TNK2: variants seen among roughly 807,000 people sequenced by gnomAD.
TNK2 encodes the protein activated CDC42 kinase 1.
A neutral mutation model predicts 101.8 loss-of-function variants in TNK2; 83 were observed. That is an observed-to-expected ratio of 0.82 (90% confidence interval 0.68 to 0.98). TNK2 has a LOEUF of 0.98. TNK2 is among the 50% of genes least tolerant of loss of function. The pLI is 0.00. For missense variants in TNK2, 1,665 were observed against 1,483.2 expected, an observed-to-expected ratio of 1.12 and a Z score of -2.01; for synonymous variants, 804 against 633.0, an observed-to-expected ratio of 1.27 and a Z score of -4.06.
rs1248344905 is a variant in TNK2, at chr3:195,878,905, T to TGGGAGGCACGGGAAGTGGG, written c.1014+125_1014+143dup. The TGGGAGGCACGGGAAGTGGG allele has an allele frequency of 1.3e-5, 17 of 1,321,622 alleles. No individual in the cohort carries two copies. The highest frequency in any genetic ancestry group is 1.1e-4 in the South Asian group (8 of 74,928). The allele number at this position is 1,321,622 out of a possible 1,614,324, so 81.9% of individuals were successfully genotyped here. ...GCGTGAGAGGAGACACGGGGCGTGG[T>TGGGAGGCACGGGAAGTGGG]GGGAGGCACGGGAAGTGGGGGGAGG... On this transcript the variant is annotated intron_variant, in intron 7 of 15. Transcript: ENST00000672887. This position sits in a 1 kb window ranked among gnomAD's most constrained non-coding sequence, Gnocchi z 4.7.
At chr3:195,869,338 G>T (rs191213366) in intron 12 of TNK2, 159 bp downstream of exon 12, 21 of 763,916 alleles carry the variant, frequency 2.7e-5, no homozygotes, top group South Asian at 8.3e-5. Context: ...GGCTCGAGGG[G>T]GGGCAGGCAT....
chr3:195,872,875 GCCGGGGC>G lies in TNK2; in HGVS notation c.1257-412_1257-406del, dbSNP rs142180599. 700 of 188,314 alleles carry G rather than the reference GCCGGGGC, an allele frequency of 3.7e-3. 4 individuals carry two copies. The highest frequency in any genetic ancestry group is 9.5e-3 in the South Asian group (79 of 8,312). The allele number at this position is 188,314 out of a possible 1,614,324, so 11.7% of individuals were successfully genotyped here. A position where few individuals can be genotyped will look rare whatever the true frequency, so the allele number is the denominator to read the frequency against. ...CCTCACCCCTCAGTTCCCTGGCAAG[GCCGGGGC>G]CCCAGTCCTCTTCTGGCCACTTGAT... On this transcript the variant is annotated intron_variant, in intron 9 of 15. Transcript: ENST00000672887.
rs941039258 is a variant in TNK2 at position 195,888,720 on chromosome 3, C to T, written c.-18-114G>A. 3 of 1,009,110 alleles carry T rather than the reference C, an allele frequency of 3.0e-6. No individual in the cohort carries two copies. Among genetic ancestry groups the T allele is most frequent in the Non-Finnish European group, 2.8e-6 (2 of 710,970 alleles). 62.5% of individuals were successfully genotyped at this position (1,009,110 alleles called of 1,614,324 possible). A position where few individuals can be genotyped will look rare whatever the true frequency, so the allele number is the denominator to read the frequency against. On this transcript the variant is annotated intron_variant, in intron 1 of 15. Transcript: ENST00000672887. The surrounding 1 kb of genome is among the most constrained non-coding windows in gnomAD (Gnocchi z 5.3). ...ACACGGCCACCCGGAAGGGCTCACA[C>T]CACCTTCTGACTCCCGAGGGAAGCT...
intron 15 of TNK2, among the ~76,000 whole-genome samples, 161 bp from the exon 16 acceptor site, chr3:195,864,348 T>C (rs1739101339): frequency 6.6e-6 from 1 of 152,098 alleles, no homozygotes; most frequent in Admixed American, 6.6e-5. Flanking sequence ...CTCTGTACTT[T>C]AATAAACTAT....
chr3:195,869,133 C>G, intron 12 of TNK2: 2 of 514,952 alleles, frequency 3.9e-6, no homozygotes, highest in Non-Finnish European at 7.0e-6. Flanking sequence ...TAAGGACTAT[C>G]CTTGGAGAGG....
chr3:195,891,355 A>G (rs1020495782), intron 1 of TNK2, among the ~76,000 whole-genome samples: 9 of 152,252 alleles, frequency 5.9e-5, no homozygotes, highest in African/African-American at 2.2e-4. Flanking sequence ...GTGGTGAGCC[A>G]AGATCGTGCC....
Position 195,868,591 on chromosome 3 carries a change from C to A in TNK2, c.1707G>T (p.Arg569=), listed in dbSNP as rs1362428849. ...CTCGGCTGGCCTTGGTGCCCGGCAC[C>A]CGCGCCGAGGGCTTCGCCAGCCACA... The part of the protein sequence containing the change: ...RGLWLAKPSA[R]VPGTKASRGS... Residue 569 remains arginine, a synonymous_variant, in exon 13 of 16, where the codon CGG becomes CGT. Transcript: ENST00000672887. The A allele has an allele frequency of 6.3e-7, 1 of 1,576,932 alleles. No individual in the cohort carries two copies. The highest frequency in any genetic ancestry group is 1.1e-5 in the South Asian group (1 of 88,972).
At position 195,863,567 on chromosome 3, in the gene TNK2, G is replaced by C. The variant is rs903252775; in HGVS notation, c.*614C>G. The C allele has an allele frequency of 2.0e-5, 3 of 152,802 alleles. No individual in the cohort carries two copies. Among genetic ancestry groups the C allele is most frequent in the African/African-American group, 4.8e-5 (2 of 41,454 alleles). 9.5% of individuals were successfully genotyped at this position (152,802 alleles called of 1,614,324 possible). On this transcript the variant is annotated 3_prime_UTR_variant, in exon 16 of 16. Coordinates refer to ENST00000672887, the MANE Select transcript of TNK2 (RefSeq NM_001382273.1). ...GCCTTGGGCCCTGGTCCCCGCCAGAGAATGGTCTGGCACCCTTTCTCCGCT... is the reference window on the plus strand; with the variant it reads ...GCCTTGGGCCCTGGTCCCCGCCAGACAATGGTCTGGCACCCTTTCTCCGCT...
chr3:195,866,044 G>T (rs777177809), intron 15 of TNK2, among the ~76,000 whole-genome samples: 1 of 152,142 alleles, frequency 6.6e-6, no homozygotes, highest in African/African-American at 2.4e-5. Context: ...CCAGCCATGT[G>T]ACCTCAGTTC....
intron 6 of TNK2, 138 bp downstream of exon 6, chr3:195,881,913 A>G: frequency 3.9e-6 from 4 of 1,032,988 alleles, no homozygotes; most frequent in South Asian, 1.7e-5. Flanking sequence ...AATGGGTGCA[A>G]AGGAGGGCAC....
At chr3:195,902,504 G>C (rs543643734) in intron 1 of TNK2, among the ~76,000 whole-genome samples, 1 of 151,566 alleles carries the variant, frequency 6.6e-6, no homozygotes, top group African/African-American at 2.4e-5. Flanking sequence ...TGTAACCCCA[G>C]CTACTCAGGA....
At chr3:195,872,522 G>T in intron 9 of TNK2, 52 bp from the exon 10 acceptor site, 2 of 1,525,118 alleles carry the variant, frequency 1.3e-6, no homozygotes, top group Non-Finnish European at 8.8e-7. Context: ...GGCAGCCCCG[G>T]CACTGGGACC....
In TNK2 at chr3:195,867,995, TGTGGGCGC is replaced by T; in HGVS notation, c.2295_2302del (p.His768AlafsTer123). ...CGGGGGGGCTGGAGACAGCTGGACGTGTGGGCGCGTGGGCCGAGGGGGGATGGGTACCC... is the reference window on the plus strand; with the variant it reads ...CGGGGGGGCTGGAGACAGCTGGACGTGTGGGCCGAGGGGGGATGGGTACCC... On this transcript the variant is annotated frameshift_variant, in exon 13 of 16. Coordinates refer to ENST00000672887, the MANE Select transcript of TNK2 (RefSeq NM_001382273.1). LOFTEE classifies it high-confidence loss of function. 2 of 1,561,430 alleles carry T rather than the reference TGTGGGCGC, an allele frequency of 1.3e-6. No individual in the cohort carries two copies. Among genetic ancestry groups the T allele is most frequent in the Non-Finnish European group, 1.7e-6 (2 of 1,163,210 alleles).
intron 10 of TNK2, among the ~76,000 whole-genome samples, chr3:195,871,918 C>G (rs55752178): frequency 6.7e-6 from 1 of 148,218 alleles, no homozygotes; most frequent in Admixed American, 6.8e-5. Context: ...CCGGAGAACC[C>G]TCCCCTGGAG....
At position 195,885,527 on chromosome 3, in the gene TNK2, G is replaced by A. The variant is rs889513231; in HGVS notation, c.235-494C>T. ...TGTCTGTCTCCACCCTCACCAGGGAGTCGGCTGCCCTTCATCCTGCCCAGG... is the reference window on the plus strand; with the variant it reads ...TGTCTGTCTCCACCCTCACCAGGGAATCGGCTGCCCTTCATCCTGCCCAGG... On this transcript the variant is annotated intron_variant, in intron 3 of 15. Transcript: ENST00000672887. This position sits in a 1 kb window ranked among gnomAD's most constrained non-coding sequence, Gnocchi z 4.7. The A allele has an allele frequency of 7.7e-7, 1 of 1,292,828 alleles. No individual in the cohort carries two copies. The highest frequency in any genetic ancestry group is 1.0e-6 in the Non-Finnish European group (1 of 990,992). The allele number at this position is 1,292,828 out of a possible 1,614,324, so 80.1% of individuals were successfully genotyped here.
chr3:195,868,031 G>T lies in TNK2; in HGVS notation c.2267C>A (p.Pro756His). ...PGGDDKPQVP[P>H]RVPIPPRPTR... Reference sequence around the variant, plus strand: ...GGGCCGAGGGGGGATGGGTACCCGAGGAGGCACCTGGGGCTTGTCGTCACC... The same window carrying T: ...GGGCCGAGGGGGGATGGGTACCCGATGAGGCACCTGGGGCTTGTCGTCACC... Residue 756 changes from proline (P) to histidine (H), a missense_variant, in exon 13 of 16, where the codon CCT becomes CAT. Physicochemically the swap from Pro to His is moderately conservative, Grantham distance 77. Coordinates refer to ENST00000672887, the MANE Select transcript of TNK2 (RefSeq NM_001382273.1). 6.3e-7 allele frequency: 1 copy of T among 1,590,810 alleles called. No individual in the cohort carries two copies. Among genetic ancestry groups the T allele is most frequent in the South Asian group, 1.1e-5 (1 of 89,092 alleles).
chr3:195,903,017 T>G (rs1166918466), intron 1 of TNK2, among the ~76,000 whole-genome samples: 3 of 151,760 alleles, frequency 2.0e-5, no homozygotes, highest in African/African-American at 7.3e-5. Context: ...CCCAAAGTAC[T>G]GGGATTACAG....
chr3:195,901,255 G>A (rs902006224), intron 1 of TNK2, among the ~76,000 whole-genome samples: 5 of 152,180 alleles, frequency 3.3e-5, no homozygotes, highest in Admixed American at 6.5e-5. Flanking sequence ...AGCTGTCATC[G>A]GGAATGGAGG....
At chr3:195,869,040 C>T (rs112907281) in intron 12 of TNK2, 13 of 452,014 alleles carry the variant, frequency 2.9e-5, no homozygotes, top group South Asian at 1.0e-4. Flanking sequence ...TGCGCCCTGG[C>T]GAGTTAGTGA....
Sources: allele counts gnomAD v4.1 joint callset (sites outside exome capture counted in the v4.1 genomes callset), GRCh38; gene constraint gnomAD v4.1.1; non-coding constraint Gnocchi (gnomAD v3.1); transcripts MANE v1.5; gene names NCBI Gene and HGNC (gene_info 2026-07-23, HGNC 2026-07-21).